The following COL15A1 variants were observed in gnomAD, a reference collection of about 807,000 sequenced individuals.
COL15A1 encodes the protein collagen alpha-1(XV) chain.
COL15A1 carries 111 observed loss-of-function variants against 165.9 expected under a neutral mutation model. The ratio of observed to expected loss-of-function variants is 0.67; its 90% CI spans 0.57 to 0.78. The LOEUF is 0.78. Among genes scored for constraint, COL15A1 ranks in the 30% least tolerant of loss-of-function variants. The probability of loss-of-function intolerance (pLI) is 0.00; values close to 1 mark genes in which losing one functional copy is unlikely to be tolerated. For synonymous variants in COL15A1, 659 were observed against 674.8 expected (o/e 0.98, Z 0.36); for missense variants, 1,745 against 1,789.7 (o/e 0.98, Z 0.45).
intron 12 of COL15A1, among the ~76,000 whole-genome samples, chr9:99,020,804 T>C (rs879419616): frequency 5.9e-5 from 9 of 152,338 alleles, no homozygotes; most frequent in Middle Eastern, 3.4e-3. Context: ...ATTTTCTTCC[T>C]GGGAAAATGT....
intron 22 of COL15A1, among the ~76,000 whole-genome samples, chr9:99,039,995 T>C (rs1223164062): frequency 6.6e-6 from 1 of 152,228 alleles, no homozygotes; most frequent in Non-Finnish European, 1.5e-5. Context: ...CAGACTCTTC[T>C]GGCACCAGGT....
intron 2 of COL15A1, among the ~76,000 whole-genome samples, chr9:98,980,756 T>A (rs1034636399): frequency 3.3e-5 from 5 of 152,268 alleles, no homozygotes; most frequent in Admixed American, 3.3e-4. Flanking sequence ...CCATGAAATT[T>A]GCTATAAAGA....
intron 16 of COL15A1, among the ~76,000 whole-genome samples, chr9:99,027,105 T>C (rs954207472): frequency 6.6e-6 from 1 of 152,208 alleles, no homozygotes; most frequent in African/African-American, 2.4e-5. Flanking sequence ...AGGGGGTGCT[T>C]TCTGCCTCTG....
chr9:99,023,791 C>G (rs901481047), intron 14 of COL15A1, among the ~76,000 whole-genome samples: 2 of 152,130 alleles, frequency 1.3e-5, no homozygotes, highest in African/African-American at 4.8e-5. Flanking sequence ...TCAATCCTCC[C>G]TCCCCCTCCT....
chr9:99,025,032 G>A, intron 15 of COL15A1, 33 bp downstream of exon 15: 2 of 1,602,584 alleles, frequency 1.2e-6, no homozygotes, highest in Non-Finnish European at 1.7e-6. Context: ...CCATCTCTGT[G>A]GCTGTGGGGC....
chr9:98,952,313 A>G (rs753615856), intron 2 of COL15A1, among the ~76,000 whole-genome samples: 8 of 152,172 alleles, frequency 5.3e-5, no homozygotes, highest in Non-Finnish European at 2.9e-5. Flanking sequence ...CGTTTTCTTC[A>G]ATAGTGTAAT....
chr9:99,048,201 G>A (rs759869697), intron 28 of COL15A1, among the ~76,000 whole-genome samples: 1 of 152,170 alleles, frequency 6.6e-6, no homozygotes, highest in Non-Finnish European at 1.5e-5. Flanking sequence ...CACCTTAGTG[G>A]AAAATAGACT....
rs147218534 is a variant in COL15A1 at position 99,010,863 on chromosome 9, A to G, written c.1354-4554A>G. 3.2e-3 allele frequency among the ~76,000 whole-genome samples: 490 copies of G among 152,326 alleles called. 1 individual carries two copies. Among genetic ancestry groups the G allele is most frequent in the African/African-American group, 0.011 (464 of 41,576 alleles). ...AGGAATTATTTAGATAAAGTGTAAG[A>G]TCTGTTTATTAGGCCAGTTACCCAA... On this transcript the variant is annotated intron_variant, in intron 9 of 41. Coordinates refer to ENST00000375001, the MANE Select transcript of COL15A1 (RefSeq NM_001855.5).
intron 11 of COL15A1, among the ~76,000 whole-genome samples, chr9:99,016,756 A>G (rs1838941267): frequency 6.6e-6 from 1 of 152,236 alleles, no homozygotes; most frequent in Admixed American, 6.5e-5. Context: ...TGCTCTTCCA[A>G]TGTGAACACA....
At chr9:98,961,725 C>A (rs1049520685) in intron 2 of COL15A1, among the ~76,000 whole-genome samples, 12 of 152,174 alleles carry the variant, frequency 7.9e-5, no homozygotes. Flanking sequence ...GGGGTAAAGG[C>A]CTTTGGTCTA....
At chr9:99,044,897 G>T (rs1009345391) in intron 26 of COL15A1, 127 bp downstream of exon 26, 2 of 834,216 alleles carry the variant, frequency 2.4e-6, no homozygotes, top group South Asian at 1.4e-5. Flanking sequence ...TGCAAAATGT[G>T]CATATACTAG....
intron 9 of COL15A1, among the ~76,000 whole-genome samples, chr9:99,013,768 A>G (rs1838884148): frequency 6.6e-6 from 1 of 152,150 alleles, no homozygotes; most frequent in South Asian, 2.1e-4. Context: ...TTGAAACTCC[A>G]CAAAGAAAAT....
intron 2 of COL15A1, among the ~76,000 whole-genome samples, chr9:98,971,519 G>T (rs1409478778): frequency 6.6e-6 from 1 of 151,948 alleles, no homozygotes; most frequent in Non-Finnish European, 1.5e-5. Flanking sequence ...GGGTGCTCAC[G>T]CCTGCCCGCA....
At chr9:98,977,963 T>C (rs1207395239) in intron 2 of COL15A1, among the ~76,000 whole-genome samples, 1 of 152,142 alleles carries the variant, frequency 6.6e-6, no homozygotes. Context: ...CTGCCTCCTT[T>C]GCCCCCTCTC....
At chr9:98,956,166 C>T (rs903408562) in intron 2 of COL15A1, among the ~76,000 whole-genome samples, 23 of 152,080 alleles carry the variant, frequency 1.5e-4, no homozygotes, top group African/African-American at 5.3e-4. Flanking sequence ...ATTAGCTGGG[C>T]GTGGTGGTGC....
At chr9:99,004,078 G>A (rs1828093911) in intron 8 of COL15A1, among the ~76,000 whole-genome samples, 1 of 152,208 alleles carries the variant, frequency 6.6e-6, no homozygotes. Context: ...GCATACCTGT[G>A]GGGTCAAGCG....
chr9:98,951,836 G>A (rs907074267), intron 2 of COL15A1, among the ~76,000 whole-genome samples: 2 of 152,184 alleles, frequency 1.3e-5, no homozygotes, highest in Admixed American at 1.3e-4. Context: ...GGGATTACAG[G>A]CGTGAGCCAC....
intron 5 of COL15A1, among the ~76,000 whole-genome samples, chr9:98,992,232 G>A (rs1022075833): frequency 6.6e-6 from 1 of 152,258 alleles, no homozygotes; most frequent in African/African-American, 2.4e-5. Context: ...GCAGGCTGCA[G>A]GTCCCAAGCC....
At chr9:99,063,194 A>C (rs901527739) in intron 39 of COL15A1, 85 bp downstream of exon 39, 13 of 1,389,096 alleles carry the variant, frequency 9.4e-6, no homozygotes, top group Non-Finnish European at 1.1e-5. Context: ...CACAGTTCCT[A>C]CCATCATGAT....
Sources: gnomAD v4.1 joint callset for allele counts (sites outside exome capture counted in the v4.1 genomes callset) on GRCh38, gnomAD v4.1.1 for gene constraint, MANE v1.5 for transcripts, NCBI Gene and HGNC (gene_info 2026-07-23, HGNC 2026-07-21) for gene names.